QKI: variants seen among roughly 807,000 people sequenced by gnomAD.
QKI encodes the protein KH domain-containing RNA-binding protein QKI.
Under a neutral mutation model 39.0 loss-of-function variants are expected in QKI, and 10 were observed. The ratio of observed to expected loss-of-function variants is 0.26; its 90% confidence interval spans 0.16 to 0.43. QKI has a LOEUF of 0.43. Ranked by LOEUF, QKI falls within the 20% of genes least tolerant of loss-of-function variation. The pLI is 1.00. For missense variants in QKI, 218 were observed against 428.0 expected, an observed-to-expected ratio of 0.51 and a Z score of 4.33; for synonymous variants, 204 against 155.4, an observed-to-expected ratio of 1.31 and a Z score of -2.33.
intron 4 of QKI, among the ~76,000 whole-genome samples, chr6:163,537,037 C>G (rs563121209): frequency 6.6e-6 from 1 of 152,030 alleles, no homozygotes; most frequent in Non-Finnish European, 1.5e-5. Context: ...AGCAAGACCC[C>G]TTTATACAAA....
chr6:163,439,578 T>G (rs1262630171), intron 1 of QKI, among the ~76,000 whole-genome samples: 1 of 151,722 alleles, frequency 6.6e-6, no homozygotes, highest in Non-Finnish European at 1.5e-5. Flanking sequence ...GTTCTCAAAC[T>G]GCTGACCTCA....
At chr6:163,569,999 G>A (rs954135048) in intron 7 of QKI, 3 of 986,198 alleles carry the variant, frequency 3.0e-6, no homozygotes, top group African/African-American at 3.5e-5. Flanking sequence ...TAGTGCAAAA[G>A]GCCTGGCCAT....
chr6:163,569,528 C>G, intron 7 of QKI: 1 of 1,234,348 alleles, frequency 8.1e-7, no homozygotes, highest in Non-Finnish European at 1.0e-6. Flanking sequence ...AATTATACTA[C>G]TGTTAAGTGG....
chr6:163,424,101 TCAAA>T (rs1788214320), intron 1 of QKI, among the ~76,000 whole-genome samples: 1 of 152,178 alleles, frequency 6.6e-6, no homozygotes, highest in Non-Finnish European at 1.5e-5. Context: ...TTCAAATAAT[TCAAA>T]CAAATTAAAT....
chr6:163,519,303 T>G (rs1218083480), intron 3 of QKI, among the ~76,000 whole-genome samples: 1 of 152,042 alleles, frequency 6.6e-6, no homozygotes, highest in Non-Finnish European at 1.5e-5. Flanking sequence ...ACATATGTCA[T>G]TAATAAGAAC....
At chr6:163,553,134 A>C in intron 4 of QKI, among the ~76,000 whole-genome samples, 1 of 134,838 alleles carries the variant, frequency 7.4e-6, no homozygotes, top group African/African-American at 2.8e-5. Context: ...ATGGAGTTTC[A>C]CTCTTGTTGC....
chr6:163,440,637 C>G (rs1239730129), intron 1 of QKI, among the ~76,000 whole-genome samples: 1 of 152,106 alleles, frequency 6.6e-6, no homozygotes, highest in Non-Finnish European at 1.5e-5. Flanking sequence ...TAAAATTATT[C>G]TTTGTGTTAT....
intron 1 of QKI, among the ~76,000 whole-genome samples, chr6:163,434,760 T>TA (rs948733914): frequency 3.4e-4 from 52 of 151,946 alleles, no homozygotes; most frequent in African/African-American, 2.4e-4. Context: ...AGATAATCTT[T>TA]AAAAAAATTA....
At chr6:163,450,249 G>T (rs533427304) in intron 1 of QKI, among the ~76,000 whole-genome samples, 5 of 152,112 alleles carry the variant, frequency 3.3e-5, no homozygotes, top group Admixed American at 2.6e-4. Flanking sequence ...GTAGAGATGG[G>T]GTTTTGCCAT....
intron 1 of QKI, among the ~76,000 whole-genome samples, chr6:163,448,281 G>A (rs1341609725): frequency 2.0e-5 from 3 of 150,324 alleles, no homozygotes; most frequent in Non-Finnish European, 4.4e-5. Context: ...GAAGTACAGA[G>A]TACAATTTAA....
chr6:163,465,536 G>A (rs1443539463), intron 2 of QKI, among the ~76,000 whole-genome samples: 1 of 151,440 alleles, frequency 6.6e-6, no homozygotes, highest in African/African-American at 2.4e-5. Context: ...GGCTGAGGCA[G>A]GAGAATCACT....
At chr6:163,568,719 T>C (rs1209737392) in intron 7 of QKI, 11 of 985,520 alleles carry the variant, frequency 1.1e-5, no homozygotes, top group Non-Finnish European at 1.3e-5. Context: ...CATATAACCA[T>C]GTAATTCTAT....
chr6:163,466,469 A>ATTG (rs1791763787), intron 2 of QKI, among the ~76,000 whole-genome samples: 1 of 152,206 alleles, frequency 6.6e-6, no homozygotes, highest in Non-Finnish European at 1.5e-5. Context: ...AGCTGAAGAC[A>ATTG]TTGCAGTTCC....
At chr6:163,520,194 A>G (rs914206136) in intron 3 of QKI, among the ~76,000 whole-genome samples, 23 of 152,162 alleles carry the variant, frequency 1.5e-4, no homozygotes, top group African/African-American at 5.3e-4. Flanking sequence ...AAAAACATGG[A>G]TTCTCTGAAC....
At chr6:163,566,068 G>A in intron 6 of QKI, 4 of 1,561,104 alleles carry the variant, frequency 2.6e-6, no homozygotes, top group Non-Finnish European at 3.5e-6. Context: ...TAGCCTAGCA[G>A]TCAGTGACTT....
intron 3 of QKI, among the ~76,000 whole-genome samples, chr6:163,529,590 G>A (rs913497960): frequency 2.6e-5 from 4 of 152,172 alleles, no homozygotes; most frequent in African/African-American, 9.7e-5. Context: ...AGACATAGGC[G>A]ATAGATAGCT....
intron 3 of QKI, among the ~76,000 whole-genome samples, chr6:163,507,101 G>T (rs1779148930): frequency 1.3e-5 from 2 of 152,124 alleles, no homozygotes; most frequent in African/African-American, 2.4e-5. Context: ...CGATGCTTTG[G>T]GTGTGCTGTA....
intron 6 of QKI, chr6:163,565,507 C>T (rs951472723): frequency 1.0e-6 from 1 of 988,242 alleles, no homozygotes; most frequent in African/African-American, 1.7e-5. Flanking sequence ...TGCAGTAAAA[C>T]TTGTTTCTCA....
At chr6:163,558,841 G>A (rs1782814001) in intron 4 of QKI, among the ~76,000 whole-genome samples, 1 of 152,058 alleles carries the variant, frequency 6.6e-6, no homozygotes, top group African/African-American at 2.4e-5. Flanking sequence ...ACTAAATCCT[G>A]TGCATTTCTG....
Sources: allele counts gnomAD v4.1 joint callset (sites outside exome capture counted in the v4.1 genomes callset), GRCh38; gene constraint gnomAD v4.1.1; transcripts MANE v1.5; gene names NCBI Gene and HGNC (gene_info 2026-07-23, HGNC 2026-07-21).